C12orf76: variants seen among roughly 807,000 people sequenced by gnomAD.
C12orf76 encodes uncharacterized protein C12orf76.
In C12orf76, 6 loss-of-function variants were observed where a neutral mutation model predicts 6.8. The ratio of observed to expected loss-of-function variants is 0.88; its 90% CI spans 0.48 to 1.73. The LOEUF (loss-of-function observed/expected upper bound fraction) is 1.73. Ranked by LOEUF, C12orf76 falls within the 40% of genes most tolerant of loss-of-function variation. C12orf76 has a pLI of 0.01. For synonymous variants in C12orf76, 56 were observed against 43.7 expected (o/e 1.28, Z -1.11); for missense variants, 99 against 98.2 (o/e 1.01, Z -0.03).
chr12:110,048,272 C>A, intron 1 of C12orf76, 91 bp downstream of exon 1: 10 of 1,388,740 alleles, frequency 7.2e-6, no homozygotes, highest in Non-Finnish European at 8.4e-6. Flanking sequence ...CCACTCTATC[C>A]CCTGTCCGCT....
chr12:110,048,444 C>T lies in C12orf76; in HGVS notation c.52G>A (p.Val18Met). Residue 18 changes from valine (V) to methionine (M), a missense_variant, in exon 1 of 2, where the codon GTG becomes ATG. Coordinates refer to ENST00000615315, the MANE Select transcript of C12orf76 (RefSeq NM_001389625.1). ...GGGCTCGGGGCCTCTGCCTCCCCCA[C>T]CAGGAGGCTGCAGAGGCCAAGGTAC... Reference protein sequence around the residue: ...WLYLGLCSLLVGEAEAPSPVD... With the variant: ...WLYLGLCSLLMGEAEAPSPVD... 6.6e-7 allele frequency: 1 copy of T among 1,507,744 alleles called. No homozygotes were observed. Among genetic ancestry groups the T allele is most frequent in the Non-Finnish European group, 8.8e-7 (1 of 1,133,058 alleles). 93.4% of individuals were successfully genotyped at this position (1,507,744 alleles called of 1,614,324 possible). A position where few individuals can be genotyped will look rare whatever the true frequency, so the allele number is the denominator to read the frequency against.
chr12:110,062,739 C>T (rs1171064037), intron 2 of C12orf76, among the ~76,000 whole-genome samples: 2 of 150,570 alleles, frequency 1.3e-5, no homozygotes, highest in East Asian at 3.9e-4. Flanking sequence ...CCCACCTCAG[C>T]CTCCCCAGTA....
upstream of C12orf76, among the ~76,000 whole-genome samples, chr12:110,051,970 G>A (rs915719656): frequency 5.0e-5 from 7 of 140,410 alleles, no homozygotes; most frequent in African/African-American, 1.9e-4. Context: ...GGAGTGCAGT[G>A]CAAGCTCCGC....
At chr12:110,057,164 A>T (rs1357760637) in intron 4 of C12orf76, 12 of 1,510,292 alleles carry the variant, frequency 7.9e-6, no homozygotes, top group East Asian at 6.8e-5. Flanking sequence ...CATGCTCTGA[A>T]TATAAGTGAC....
At chr12:110,064,047 G>A (rs1299051356) in intron 2 of C12orf76, among the ~76,000 whole-genome samples, 1 of 152,194 alleles carries the variant, frequency 6.6e-6, no homozygotes, top group Non-Finnish European at 1.5e-5. Context: ...CCACCGCTGT[G>A]TAACAAATAG....
chr12:110,068,330 A>AGAAGGT (rs1566080349), upstream of C12orf76, among the ~76,000 whole-genome samples: 3 of 116,660 alleles, frequency 2.6e-5, no homozygotes, highest in African/African-American at 9.6e-5. Context: ...AAGAAGAAGA[A>AGAAGGT]GGCGGCCAAA....
At chr12:110,050,880 G>A, upstream of C12orf76, 1 of 624,446 alleles carries the variant, frequency 1.6e-6, no homozygotes, top group East Asian at 2.7e-5. Flanking sequence ...TCTGGATCGG[G>A]ACCCTTTTCC....
At chr12:110,045,854 G>A (rs187357184) in intron 1 of C12orf76, 1 of 160,164 alleles carries the variant, frequency 6.2e-6, no homozygotes, top group Non-Finnish European at 1.4e-5. Context: ...AGCTACTTGG[G>A]AGGCTTAGGC....
upstream of C12orf76, among the ~76,000 whole-genome samples, chr12:110,068,478 A>T (rs117444761): frequency 1.6e-3 from 239 of 152,244 alleles, 7 homozygotes; most frequent in East Asian, 0.027. Context: ...TTCCCCTTTG[A>T]GGCTTTGTGG....
upstream of C12orf76, among the ~76,000 whole-genome samples, chr12:110,069,236 C>T (rs985664630): frequency 6.6e-6 from 1 of 152,056 alleles, no homozygotes; most frequent in Non-Finnish European, 1.5e-5. Context: ...GTCAGGAGAT[C>T]GTGACCATCC....
At chr12:110,062,645 G>C (rs1892790566) in intron 2 of C12orf76, among the ~76,000 whole-genome samples, 1 of 150,258 alleles carries the variant, frequency 6.7e-6, no homozygotes. Context: ...TTTGAGACAG[G>C]GTCTCACTCT....
intron 1 of C12orf76, 96 bp downstream of exon 1, chr12:110,048,267 C>G (rs1892501402): frequency 4.4e-6 from 6 of 1,373,556 alleles, no homozygotes; most frequent in African/African-American, 1.5e-5. Flanking sequence ...TCTCCCCACT[C>G]TATCCCCTGT....
Position 110,054,922 on chromosome 12 carries a change from C to T in C12orf76, n.664+2267G>A, listed in dbSNP as rs979020485. Reference sequence around the variant, plus strand: ...TCCTGGGCTCAAGAGATCCTCCAGTCTCAGCCTCCCAAATAGGTGGGACTG... The same window carrying T: ...TCCTGGGCTCAAGAGATCCTCCAGTTTCAGCCTCCCAAATAGGTGGGACTG... On this transcript the variant is annotated intron_variant and non_coding_transcript_variant, in intron 4 of 4. Transcript: ENST00000309050. This position sits in a 1 kb window ranked among gnomAD's most constrained non-coding sequence, Gnocchi z 4.4. Among the ~76,000 whole-genome samples, 2 of 152,158 alleles carry T rather than the reference C, an allele frequency of 1.3e-5. No individual in the cohort carries two copies. The highest frequency in any genetic ancestry group is 2.1e-4 in the South Asian group (1 of 4,828).
At chr12:110,061,872 G>A (rs1892777714) in intron 2 of C12orf76, among the ~76,000 whole-genome samples, 1 of 152,114 alleles carries the variant, frequency 6.6e-6, no homozygotes, top group Admixed American at 6.6e-5. Context: ...GGACTATGGT[G>A]TGAGATGCTT....
intron 3 of C12orf76, among the ~76,000 whole-genome samples, chr12:110,057,835 A>C (rs895135164): frequency 7.3e-5 from 11 of 151,652 alleles, no homozygotes; most frequent in Non-Finnish European, 1.5e-4. Flanking sequence ...AGGCCAAGGC[A>C]GGTGGATAAC....
intron 1 of C12orf76, among the ~76,000 whole-genome samples, chr12:110,047,867 G>C (rs1035763877): frequency 6.6e-6 from 1 of 152,182 alleles, no homozygotes; most frequent in East Asian, 1.9e-4. Context: ...TAAATGATGT[G>C]CCTTGTTGCC....
chr12:110,063,978 C>T (rs752864189), intron 2 of C12orf76, among the ~76,000 whole-genome samples: 52 of 152,252 alleles, frequency 3.4e-4, no homozygotes, highest in Non-Finnish European at 6.3e-4. Context: ...CCCAGAGTCT[C>T]CAGACAAGAA....
chr12:110,065,972 G>A, exon 2 of C12orf76: 3 of 1,612,832 alleles, frequency 1.9e-6, no homozygotes, highest in Non-Finnish European at 2.5e-6. Flanking sequence ...CCTTCTATGG[G>A]GTCACCTCCA....
intron 2 of C12orf76, among the ~76,000 whole-genome samples, chr12:110,065,082 C>T (rs11064896): frequency 0.069 from 10,421 of 151,918 alleles, 590 homozygotes; most frequent in African/African-American, 0.15. Context: ...TGTTTAATTG[C>T]TTGCCTGAGA....
Sources: gnomAD v4.1 joint callset for allele counts (sites outside exome capture counted in the v4.1 genomes callset) on GRCh38, gnomAD v4.1.1 for gene constraint, Gnocchi (gnomAD v3.1) non-coding constraint, MANE v1.5 for transcripts, NCBI Gene and HGNC (gene_info 2026-07-23, HGNC 2026-07-21) for gene names.